The following ZFAND3 variants were observed in gnomAD, a reference collection of about 807,000 sequenced individuals.
ZFAND3 encodes the protein AN1-type zinc finger protein 3.
In ZFAND3, 10 loss-of-function variants were observed where a neutral mutation model predicts 29.6. That is an observed-to-expected ratio of 0.34 (90% CI 0.21 to 0.57). The LOEUF (loss-of-function observed/expected upper bound fraction) is 0.57. Among genes scored for constraint, ZFAND3 ranks in the 20% least tolerant of loss-of-function variants. The probability of loss-of-function intolerance (pLI) is 0.86; values close to 1 mark genes in which losing one functional copy is unlikely to be tolerated. For missense variants in ZFAND3, 230 were observed against 304.5 expected, an observed-to-expected ratio of 0.76 and a Z score of 1.82; for synonymous variants, 128 against 112.6, an observed-to-expected ratio of 1.14 and a Z score of -0.87.
intron 1 of ZFAND3, among the ~76,000 whole-genome samples, chr6:37,887,310 G>T (rs958449842): frequency 6.6e-6 from 1 of 152,184 alleles, no homozygotes; most frequent in Non-Finnish European, 1.5e-5. Context: ...CTTGGCATAT[G>T]TAAGAATTTG....
chr6:38,080,074 CAT>C (rs1764631682), intron 3 of ZFAND3, among the ~76,000 whole-genome samples: 1 of 150,312 alleles, frequency 6.7e-6, no homozygotes, highest in African/African-American at 2.4e-5. Flanking sequence ...AAAAACACCA[CAT>C]GTTCTCACTC....
intron 5 of ZFAND3, among the ~76,000 whole-genome samples, chr6:38,141,344 A>G (rs1221770051): frequency 6.6e-6 from 1 of 152,196 alleles, no homozygotes; most frequent in African/African-American, 2.4e-5. Context: ...GTACGTGACC[A>G]AACTTGGCAA....
chr6:38,081,149 G>T (rs1764652698), intron 3 of ZFAND3, among the ~76,000 whole-genome samples: 1 of 151,254 alleles, frequency 6.6e-6, no homozygotes, highest in South Asian at 2.1e-4. Flanking sequence ...TTTATGTACA[G>T]AAGTTTTTTC....
intron 4 of ZFAND3, among the ~76,000 whole-genome samples, chr6:38,096,332 C>T (rs919997938): frequency 6.6e-6 from 1 of 152,102 alleles, no homozygotes; most frequent in Non-Finnish European, 1.5e-5. Flanking sequence ...GCCACCACAT[C>T]GGGCTAACTT....
intron 3 of ZFAND3, among the ~76,000 whole-genome samples, chr6:38,077,905 T>G (rs192758645): frequency 6.6e-6 from 1 of 152,350 alleles, no homozygotes; most frequent in East Asian, 1.9e-4. Flanking sequence ...ACTACATGAG[T>G]AGGTAGCCCT....
At chr6:37,972,339 CCACT>C (rs1392439998) in intron 2 of ZFAND3, among the ~76,000 whole-genome samples, 1 of 152,190 alleles carries the variant, frequency 6.6e-6, no homozygotes, top group African/African-American at 2.4e-5. Context: ...ATTTTGTCAG[CCACT>C]CAAAGTTTAT....
In ZFAND3 at chr6:38,153,777, G is replaced by T. The variant is rs562196854; in HGVS notation, c.*1388G>T. ...AGGATTCCCTTGAAAGCCCAGGCAGGGTGAGCAGTCCCAGTGGTCCTAGTG... is the reference window on the plus strand; with the variant it reads ...AGGATTCCCTTGAAAGCCCAGGCAGTGTGAGCAGTCCCAGTGGTCCTAGTG... On this transcript the variant is annotated 3_prime_UTR_variant, in exon 6 of 6. Coordinates refer to ENST00000287218, the MANE Select transcript of ZFAND3 (RefSeq NM_021943.3). 2.0e-4 allele frequency: 193 copies of T among 985,438 alleles called. No homozygotes were observed. Among genetic ancestry groups the T allele is most frequent in the Non-Finnish European group, 2.3e-4 (189 of 830,024 alleles). The allele number at this position is 985,438 out of a possible 1,614,324, so 61.0% of individuals were successfully genotyped here. A position where few individuals can be genotyped will look rare whatever the true frequency, so the allele number is the denominator to read the frequency against.
chr6:37,944,794 C>T (rs1417380266), intron 2 of ZFAND3, among the ~76,000 whole-genome samples: 1 of 152,182 alleles, frequency 6.6e-6, no homozygotes, highest in African/African-American at 2.4e-5. Flanking sequence ...GATCAATGGT[C>T]AGGCTCTTGA....
At chr6:37,934,411 A>T (rs1761656864) in intron 2 of ZFAND3, among the ~76,000 whole-genome samples, 1 of 151,968 alleles carries the variant, frequency 6.6e-6, no homozygotes, top group South Asian at 2.1e-4. Flanking sequence ...TACGACACTT[A>T]CAGTTAAGTA....
chr6:38,145,842 A>G (rs1414915333), intron 5 of ZFAND3, among the ~76,000 whole-genome samples: 2 of 152,208 alleles, frequency 1.3e-5, no homozygotes, highest in Non-Finnish European at 2.9e-5. Flanking sequence ...AGTGGCTTCC[A>G]TTGAAATACC....
chr6:38,104,780 A>G (rs1765175198), intron 4 of ZFAND3, among the ~76,000 whole-genome samples: 1 of 152,172 alleles, frequency 6.6e-6, no homozygotes, highest in South Asian at 2.1e-4. Flanking sequence ...GAAATAGAGG[A>G]GCTTGTTTTC....
intron 3 of ZFAND3, among the ~76,000 whole-genome samples, chr6:38,064,116 T>C (rs2127464443): frequency 6.6e-6 from 1 of 152,332 alleles, no homozygotes; most frequent in South Asian, 2.1e-4. Context: ...CAATTTTGCA[T>C]AAAATTTCTC....
At chr6:37,859,375 TTGGCCTGTAATATCTTCTG>T (rs1170886760) in intron 1 of ZFAND3, among the ~76,000 whole-genome samples, 1 of 152,248 alleles carries the variant, frequency 6.6e-6, no homozygotes, top group African/African-American at 2.4e-5. Flanking sequence ...CAATTTGGAC[TTGGCCTGTAATATCTTCTG>T]TTGCTGAACC....
At chr6:37,896,546 C>CTTTT (rs1554153831) in intron 1 of ZFAND3, among the ~76,000 whole-genome samples, 23 of 124,782 alleles carry the variant, frequency 1.8e-4, no homozygotes, top group Admixed American at 1.8e-3. Context: ...TTCTTTCTTT[C>CTTTT]TTTCTTTCTT....
chr6:37,972,810 G>T (rs114984536), intron 2 of ZFAND3, among the ~76,000 whole-genome samples: 3,052 of 152,032 alleles, frequency 0.02, 66 homozygotes, highest in African/African-American at 0.057. Flanking sequence ...TGTAAACTGG[G>T]ATTAGAGTAG....
intron 2 of ZFAND3, among the ~76,000 whole-genome samples, chr6:37,999,534 C>T (rs1454029324): frequency 1.3e-5 from 2 of 152,174 alleles, no homozygotes; most frequent in Non-Finnish European, 2.9e-5. Context: ...ATATTGATTG[C>T]ATATACCCTT....
chr6:37,837,174 T>A (rs1028293655), intron 1 of ZFAND3, among the ~76,000 whole-genome samples: 2 of 152,104 alleles, frequency 1.3e-5, no homozygotes, highest in Non-Finnish European at 2.9e-5. Context: ...TAGGAAAAAT[T>A]AGGTGAAGTA....
intron 2 of ZFAND3, among the ~76,000 whole-genome samples, chr6:38,037,216 T>C (rs56348433): frequency 0.088 from 13,452 of 152,270 alleles, 780 homozygotes; most frequent in East Asian, 0.29. Context: ...AATGGGTAAG[T>C]ACACACAACG....
intron 3 of ZFAND3, among the ~76,000 whole-genome samples, chr6:38,077,044 A>G (rs1465764218): frequency 2.6e-5 from 4 of 152,078 alleles, no homozygotes; most frequent in Non-Finnish European, 2.9e-5. Flanking sequence ...CATTCTTAAC[A>G]TGGACACATC....
Sources: allele counts gnomAD v4.1 joint callset (sites outside exome capture counted in the v4.1 genomes callset), GRCh38; gene constraint gnomAD v4.1.1; transcripts MANE v1.5; gene names NCBI Gene and HGNC (gene_info 2026-07-23, HGNC 2026-07-21).